The following NCK2 variants were observed in gnomAD, a reference collection of about 807,000 sequenced individuals.
NCK2 encodes NCK adaptor protein 2.
NCK2 carries 16 observed loss-of-function variants against 33.9 expected under a neutral mutation model. The ratio of observed to expected loss-of-function variants is 0.47; its 90% confidence interval spans 0.32 to 0.72. The LOEUF is 0.72. NCK2 is among the 30% of genes least tolerant of loss of function. The probability of loss-of-function intolerance (pLI) is 0.03; values close to 1 mark genes in which losing one functional copy is unlikely to be tolerated. For missense variants in NCK2, 418 were observed against 537.3 expected, an observed-to-expected ratio of 0.78 and a Z score of 2.19; for synonymous variants, 273 against 239.9, an observed-to-expected ratio of 1.14 and a Z score of -1.27.
In NCK2 at chr2:105,760,357, G is replaced by A. The variant is rs557045999; in HGVS notation, c.-201+15219G>A. On this transcript the variant is annotated intron_variant, in intron 1 of 4. Coordinates refer to ENST00000233154, the MANE Select transcript of NCK2 (RefSeq NM_003581.5). ...TCCGGGGAACTGCCTGACTTCCCGC[G>A]TGGGATAGGTTGGTCTGGAATTCTT... Among the ~76,000 whole-genome samples, 253 of 152,290 alleles carry A rather than the reference G, an allele frequency of 1.7e-3. 1 individual carries two copies. The highest frequency in any genetic ancestry group is 2.7e-3 in the Non-Finnish European group (185 of 68,020).
At chr2:105,877,112 T>C (rs899233069) in intron 3 of NCK2, among the ~76,000 whole-genome samples, 3 of 152,142 alleles carry the variant, frequency 2.0e-5, no homozygotes, top group Non-Finnish European at 4.4e-5. Context: ...CTCTCCTGAC[T>C]CTAGGGTTGC....
At chr2:105,851,180 T>C (rs1027458858) in intron 2 of NCK2, among the ~76,000 whole-genome samples, 2 of 151,964 alleles carry the variant, frequency 1.3e-5, no homozygotes, top group African/African-American at 4.8e-5. Context: ...TGGCCATAAC[T>C]CAGCTTCAGA....
intron 2 of NCK2, chr2:105,847,333 A>G (rs2104564538): frequency 6.6e-6 from 1 of 152,344 alleles, no homozygotes; most frequent in Non-Finnish European, 1.5e-5. Flanking sequence ...AAAAAAAAGA[A>G]TATGGTTAAA....
At chr2:105,883,186 A>ACTCTGAGATTTAT (rs1163995156) in intron 4 of NCK2, among the ~76,000 whole-genome samples, 1 of 152,004 alleles carries the variant, frequency 6.6e-6, no homozygotes, top group Non-Finnish European at 1.5e-5. Context: ...TGAAATCTGA[A>ACTCTGAGATTTAT]CTCTGAGATT....
intron 1 of NCK2, among the ~76,000 whole-genome samples, chr2:105,760,514 C>T (rs1689733977): frequency 6.6e-6 from 1 of 152,158 alleles, no homozygotes; most frequent in Non-Finnish European, 1.5e-5. Flanking sequence ...CCGTTCACAC[C>T]TCTTCCCTGC....
intron 1 of NCK2, among the ~76,000 whole-genome samples, chr2:105,766,521 C>T (rs1298628143): frequency 6.6e-6 from 1 of 152,176 alleles, no homozygotes; most frequent in Admixed American, 6.5e-5. Flanking sequence ...TGGAGTCTCA[C>T]TGTGTTGCCT....
chr2:105,835,402 T>TACAC (rs1553458597), intron 2 of NCK2, among the ~76,000 whole-genome samples: 1 of 73,116 alleles, frequency 1.4e-5, no homozygotes, highest in Non-Finnish European at 3.3e-5. Context: ...TATATATATA[T>TACAC]ATACGTGTAT....
intron 1 of NCK2, among the ~76,000 whole-genome samples, chr2:105,765,167 C>T (rs976060533): frequency 3.3e-5 from 5 of 152,078 alleles, no homozygotes; most frequent in African/African-American, 1.2e-4. Context: ...TCAATTTCAC[C>T]CAAATAATAC....
intron 1 of NCK2, among the ~76,000 whole-genome samples, chr2:105,778,298 A>G (rs1490864520): frequency 6.6e-6 from 1 of 152,180 alleles, no homozygotes; most frequent in Non-Finnish European, 1.5e-5. Flanking sequence ...TCCTGGAGGC[A>G]TGTGTCTCCA....
intron 2 of NCK2, among the ~76,000 whole-genome samples, chr2:105,826,889 G>A (rs1675974299): frequency 6.6e-6 from 1 of 152,078 alleles, no homozygotes. Context: ...CTAATCAAAA[G>A]AAAGCAGAAA....
intron 1 of NCK2, among the ~76,000 whole-genome samples, chr2:105,806,976 GT>G (rs1408956964): frequency 6.6e-6 from 1 of 152,150 alleles, no homozygotes; most frequent in Non-Finnish European, 1.5e-5. Flanking sequence ...CCATCCCTTT[GT>G]CTAATTGCTG....
intron 4 of NCK2, among the ~76,000 whole-genome samples, chr2:105,882,971 G>A (rs1181786704): frequency 6.6e-6 from 1 of 152,120 alleles, no homozygotes; most frequent in Non-Finnish European, 1.5e-5. Flanking sequence ...AAGATTACTG[G>A]CACAATGAAT....
rs115741510 is a variant in NCK2 at position 105,883,408 on chromosome 2, G to T, written c.948+1359G>T. ...AAGTGCTTGGTCCAGAGTCCTTAAG[G>T]GCTAAGTATAATGCACAAAATATGA... On this transcript the variant is annotated intron_variant, in intron 4 of 4. Transcript: ENST00000233154. 5.0e-3 allele frequency among the ~76,000 whole-genome samples: 766 copies of T among 152,322 alleles called. 8 individuals carry two copies. The highest frequency in any genetic ancestry group is 0.018 in the African/African-American group (729 of 41,568).
intron 3 of NCK2, chr2:105,855,551 G>A: frequency 2.9e-6 from 1 of 339,922 alleles, no homozygotes. Context: ...GTATCTCCTT[G>A]TATCAAAACG....
At chr2:105,805,228 A>T (rs1031019318) in intron 1 of NCK2, among the ~76,000 whole-genome samples, 33 of 152,224 alleles carry the variant, frequency 2.2e-4, no homozygotes, top group African/African-American at 8.0e-4. Context: ...GCACGATGGC[A>T]TTGGGAAGCT....
chr2:105,747,448 AG>A (rs1689322690), intron 1 of NCK2, among the ~76,000 whole-genome samples: 1 of 152,160 alleles, frequency 6.6e-6, no homozygotes, highest in Non-Finnish European at 1.5e-5. Context: ...CCAGGCTGCG[AG>A]GCTCTATGGG....
At chr2:105,840,409 C>T (rs1558864360) in intron 2 of NCK2, among the ~76,000 whole-genome samples, 2 of 152,196 alleles carry the variant, frequency 1.3e-5, no homozygotes, top group African/African-American at 4.8e-5. Flanking sequence ...TGCAGTTTCT[C>T]CTACTCTACT....
At chr2:105,830,717 T>TGTGTGTG (rs1352679713) in intron 2 of NCK2, among the ~76,000 whole-genome samples, 2,457 of 97,684 alleles carry the variant, frequency 0.025, 65 homozygotes, top group East Asian at 0.055. Flanking sequence ...GTGTGTGTGT[T>TGTGTGTG]TGGTCTGATA....
intron 3 of NCK2, among the ~76,000 whole-genome samples, chr2:105,869,001 G>T (rs1040964351): frequency 6.6e-6 from 1 of 152,242 alleles, no homozygotes; most frequent in East Asian, 1.9e-4. Flanking sequence ...GCACCCAGGC[G>T]CTCCAGAGCA....
Sources: allele counts gnomAD v4.1 joint callset (sites outside exome capture counted in the v4.1 genomes callset), GRCh38; gene constraint gnomAD v4.1.1; transcripts MANE v1.5; gene names NCBI Gene and HGNC (gene_info 2026-07-23, HGNC 2026-07-21).